Variants in LRRC4C observed in about 807,000 individuals in gnomAD.
The protein encoded by LRRC4C is leucine-rich repeat-containing protein 4C.
LRRC4C carries 5 observed loss-of-function variants against 33.6 expected under a neutral mutation model. The ratio of observed to expected loss-of-function variants is 0.15; its 90% CI spans 0.08 to 0.31. The LOEUF (loss-of-function observed/expected upper bound fraction) is 0.31, where lower values mean the gene tolerates loss of function less well. Among genes scored for constraint, LRRC4C ranks in the 10% least tolerant of loss-of-function variants. LRRC4C has a pLI of 1.00. For synonymous variants in LRRC4C, 329 were observed against 302.0 expected (o/e 1.09, Z -0.93); for missense variants, 560 against 796.7 (o/e 0.70, Z 3.58).
chr11:40,924,806 C>T (rs1208971565), intron 2 of LRRC4C, among the ~76,000 whole-genome samples: 1 of 152,012 alleles, frequency 6.6e-6, no homozygotes, highest in African/African-American at 2.4e-5. Context: ...TAAAAATAAT[C>T]TCTCAAAGGC....
intron 3 of LRRC4C, among the ~76,000 whole-genome samples, chr11:40,510,784 A>G (rs1035073970): frequency 3.3e-5 from 5 of 152,202 alleles, no homozygotes; most frequent in African/African-American, 1.2e-4. Flanking sequence ...GAGGAGTAGT[A>G]TATAGAGAGT....
intron 1 of LRRC4C, among the ~76,000 whole-genome samples, chr11:41,136,706 C>A (rs1024080084): frequency 6.6e-6 from 1 of 152,076 alleles, no homozygotes; most frequent in African/African-American, 2.4e-5. Context: ...TCGTTAGACT[C>A]GAGTTGCCTT....
intron 1 of LRRC4C, among the ~76,000 whole-genome samples, chr11:41,104,358 A>G (rs377579673): frequency 6.6e-6 from 1 of 152,100 alleles, no homozygotes; most frequent in Admixed American, 6.6e-5. Context: ...GAACATAACC[A>G]TATTCTCAAT....
intron 1 of LRRC4C, among the ~76,000 whole-genome samples, chr11:41,331,561 T>C (rs1951294678): frequency 6.6e-6 from 1 of 152,186 alleles, no homozygotes; most frequent in East Asian, 1.9e-4. Flanking sequence ...CCCAGCACAG[T>C]AGACATCTTG....
At chr11:40,161,047 G>T (rs1332829055) in intron 5 of LRRC4C, among the ~76,000 whole-genome samples, 2 of 152,088 alleles carry the variant, frequency 1.3e-5, no homozygotes, top group Non-Finnish European at 2.9e-5. Context: ...TTGACCATGG[G>T]GCTTCATGTT....
intron 5 of LRRC4C, among the ~76,000 whole-genome samples, chr11:40,149,961 T>C (rs1335589534): frequency 6.6e-6 from 1 of 152,122 alleles, no homozygotes; most frequent in African/African-American, 2.4e-5. Context: ...ACAACAGAAA[T>C]GTATCCTTCT....
At chr11:41,372,598 A>G (rs563641040) in intron 1 of LRRC4C, among the ~76,000 whole-genome samples, 1 of 152,286 alleles carries the variant, frequency 6.6e-6, no homozygotes, top group African/African-American at 2.4e-5. Flanking sequence ...TCAAGTCAGA[A>G]AATGCTATGA....
chr11:41,126,802 A>G (rs10837577), intron 1 of LRRC4C, among the ~76,000 whole-genome samples: 62,594 of 151,792 alleles, frequency 0.41, 13,926 homozygotes, highest in Middle Eastern at 0.54. Context: ...AATCCAGCTG[A>G]GGTACCTATT....
chr11:40,423,236 T>C (rs1234978298), intron 3 of LRRC4C, among the ~76,000 whole-genome samples: 1 of 152,126 alleles, frequency 6.6e-6, no homozygotes, highest in East Asian at 1.9e-4. Context: ...GTGCATCATG[T>C]CTGTAGTCAT....
chr11:40,251,949 A>G (rs998029386), intron 4 of LRRC4C, among the ~76,000 whole-genome samples: 1 of 152,184 alleles, frequency 6.6e-6, no homozygotes, highest in African/African-American at 2.4e-5. Flanking sequence ...CACAGCTTCT[A>G]ACCAGCTGCA....
chr11:40,962,464 T>C (rs1851042069), intron 1 of LRRC4C, among the ~76,000 whole-genome samples: 1 of 151,718 alleles, frequency 6.6e-6, no homozygotes, highest in South Asian at 2.1e-4. Context: ...TGATCCCTGG[T>C]CTAGGATTTA....
chr11:40,987,654 TC>T (rs1198246998), intron 1 of LRRC4C, among the ~76,000 whole-genome samples: 1,343 of 24,612 alleles, frequency 0.055, 63 homozygotes, highest in South Asian at 0.088. Context: ...TATATATATC[TC>T]ATATATATGA....
intron 2 of LRRC4C, among the ~76,000 whole-genome samples, chr11:40,923,348 T>G (rs1481808717): frequency 6.6e-6 from 1 of 152,208 alleles, no homozygotes; most frequent in Non-Finnish European, 1.5e-5. Context: ...AACCCAATAT[T>G]TATTGTTCTT....
chr11:40,734,651 A>G (rs1265222164), intron 2 of LRRC4C, among the ~76,000 whole-genome samples: 1 of 152,168 alleles, frequency 6.6e-6, no homozygotes, highest in Non-Finnish European at 1.5e-5. Context: ...ATAGCTAATT[A>G]TGACTAACCG....
intron 6 of LRRC4C, 95 bp from the exon 7 acceptor site, chr11:40,116,429 G>T: frequency 1.6e-6 from 2 of 1,271,394 alleles, no homozygotes; most frequent in Non-Finnish European, 2.1e-6. Context: ...ATCAGCTAAA[G>T]CCATCATGTG....
intron 1 of LRRC4C, among the ~76,000 whole-genome samples, chr11:41,201,131 C>A (rs780637262): frequency 1.4e-4 from 21 of 152,290 alleles, no homozygotes; most frequent in Non-Finnish European, 2.8e-4. Flanking sequence ...TCACACCTCC[C>A]CTATTTCAAA....
intron 2 of LRRC4C, among the ~76,000 whole-genome samples, chr11:40,683,224 T>C (rs1944788261): frequency 6.6e-6 from 1 of 152,190 alleles, no homozygotes; most frequent in Admixed American, 6.5e-5. Flanking sequence ...TGGGGACCAC[T>C]GGATATCCGT....
At chr11:40,954,119 C>G (rs1958841539) in intron 1 of LRRC4C, among the ~76,000 whole-genome samples, 1 of 151,888 alleles carries the variant, frequency 6.6e-6, no homozygotes, top group African/African-American at 2.4e-5. Flanking sequence ...CTGCATAGAA[C>G]TTTTCTTTAT....
intron 1 of LRRC4C, among the ~76,000 whole-genome samples, chr11:41,149,417 G>A (rs1943885633): frequency 6.7e-6 from 1 of 148,342 alleles, no homozygotes. Context: ...TGAGGCAGGA[G>A]AATGGCGTGA....
Sources: gnomAD v4.1 joint callset for allele counts (sites outside exome capture counted in the v4.1 genomes callset) on GRCh38, gnomAD v4.1.1 for gene constraint, MANE v1.5 for transcripts, NCBI Gene and HGNC (gene_info 2026-07-23, HGNC 2026-07-21) for gene names.